The following ANKRD44 variants were observed in gnomAD, a reference collection of about 807,000 sequenced individuals.
ANKRD44 encodes the protein ankyrin repeat domain 44.
Under a neutral mutation model 116.0 loss-of-function variants are expected in ANKRD44, and 35 were observed. That is an observed-to-expected ratio of 0.30 (90% CI 0.23 to 0.40). ANKRD44 has a LOEUF of 0.40. Among genes scored for constraint, ANKRD44 ranks in the 10% least tolerant of loss-of-function variants. The probability of loss-of-function intolerance (pLI) is 1.00; values close to 1 mark genes in which losing one functional copy is unlikely to be tolerated. For missense variants in ANKRD44, 1,014 were observed against 1,242.6 expected (o/e 0.82, Z 2.77); for synonymous variants, 435 against 461.8 (o/e 0.94, Z 0.74).
intron 1 of ANKRD44, among the ~76,000 whole-genome samples, chr2:197,217,145 TC>T (rs1446615030): frequency 2.0e-5 from 3 of 152,206 alleles, no homozygotes; most frequent in Admixed American, 6.5e-5. Context: ...CACTTTTTTT[TC>T]ATGGTCCAAT....
At chr2:197,100,185 C>T (rs1473196827) in intron 9 of ANKRD44, among the ~76,000 whole-genome samples, 1 of 152,140 alleles carries the variant, frequency 6.6e-6, no homozygotes. Flanking sequence ...GCCTGTAATC[C>T]CAGCACTTTG....
chr2:196,972,007 T>G (rs2075719394), intron 21 of ANKRD44, among the ~76,000 whole-genome samples: 1 of 152,118 alleles, frequency 6.6e-6, no homozygotes, highest in South Asian at 2.1e-4. Flanking sequence ...AGGCCTCAAG[T>G]GTAGCCAAGG....
At chr2:197,154,182 T>C (rs934910966) in intron 2 of ANKRD44, among the ~76,000 whole-genome samples, 3 of 143,724 alleles carry the variant, frequency 2.1e-5, no homozygotes, top group Non-Finnish European at 4.6e-5. Context: ...TTCTTTTTTT[T>C]TTTTTTTTTT....
chr2:197,111,498 G>A (rs2125278455), intron 8 of ANKRD44, among the ~76,000 whole-genome samples: 1 of 152,178 alleles, frequency 6.6e-6, no homozygotes, highest in South Asian at 2.1e-4. Flanking sequence ...AATTAGCCAG[G>A]CATGGTGGCG....
chr2:197,197,791 C>T lies in ANKRD44; in HGVS notation c.28-10685G>A, dbSNP rs187108625. On this transcript the variant is annotated intron_variant, in intron 1 of 27. Coordinates refer to ENST00000282272, the MANE Select transcript of ANKRD44 (RefSeq NM_001195144.2). ...CACCATTGCACTCCAGCCTGGGTGA[C>T]AGAGTGAAATCCTGTCTCAAAAAAA... 6.3e-3 allele frequency among the ~76,000 whole-genome samples: 731 copies of T among 115,876 alleles called. 8 individuals carry two copies. The highest frequency in any genetic ancestry group is 0.024 in the African/African-American group (686 of 28,664). 76.0% of individuals were successfully genotyped at this position (115,876 alleles called of 152,430 possible).
At chr2:197,097,830 A>C (rs553009768) in intron 10 of ANKRD44, among the ~76,000 whole-genome samples, 80 of 152,294 alleles carry the variant, frequency 5.3e-4, no homozygotes, top group Admixed American at 5.2e-3. Context: ...ACAGCTTCCG[A>C]ATGACTCAGA....
chr2:196,982,106 A>ATTTT (rs1164848837), downstream of ANKRD44, among the ~76,000 whole-genome samples: 2 of 104,864 alleles, frequency 1.9e-5, no homozygotes, highest in Non-Finnish European at 3.7e-5. Context: ...TACTAAAAAA[A>ATTTT]ATTATATATA....
chr2:196,980,448 G>A lies in ANKRD44; in HGVS notation c.2369-13002C>T, dbSNP rs73066825. Among the ~76,000 whole-genome samples the A allele has an allele frequency of 9.0e-3, 1,372 of 152,318 alleles. 21 individuals are homozygous for A. Among genetic ancestry groups the A allele is most frequent in the African/African-American group, 0.031 (1,290 of 41,554 alleles). On this transcript the variant is annotated intron_variant, in intron 21 of 21. Coordinates refer to the ANKRD44 transcript ENST00000424317. ...AAATTCAAAAGGGAATTAGAAACCCGTTAGCTTTCTATTTATTTAGTTTAA... is the reference window on the plus strand; with the variant it reads ...AAATTCAAAAGGGAATTAGAAACCCATTAGCTTTCTATTTATTTAGTTTAA...
intron 8 of ANKRD44, among the ~76,000 whole-genome samples, chr2:197,112,297 AT>A (rs1193657386): frequency 6.6e-6 from 1 of 152,234 alleles, no homozygotes; most frequent in Non-Finnish European, 1.5e-5. Flanking sequence ...AAATGCCTGT[AT>A]TTTAAAATGA....
At chr2:197,134,221 G>A (rs2079166017) in intron 4 of ANKRD44, 1 of 151,716 alleles carries the variant, frequency 6.6e-6, no homozygotes, top group Admixed American at 6.6e-5. Flanking sequence ...AAAGTGCTGG[G>A]ATTACAGGCA....
At chr2:197,062,975 T>G (rs1429508606) in intron 16 of ANKRD44, among the ~76,000 whole-genome samples, 4 of 152,132 alleles carry the variant, frequency 2.6e-5, no homozygotes, top group African/African-American at 9.7e-5. Flanking sequence ...GAGTAGTGGT[T>G]CTCCCAGCAC....
intron 1 of ANKRD44, among the ~76,000 whole-genome samples, chr2:197,265,239 T>C (rs530262592): frequency 8.6e-5 from 13 of 151,714 alleles, no homozygotes; most frequent in South Asian, 8.3e-4. Flanking sequence ...TTTCTTTTTT[T>C]TTTTTTTTGG....
intron 17 of ANKRD44, chr2:197,015,926 G>T (rs1051107930): frequency 5.7e-6 from 3 of 530,586 alleles, no homozygotes; most frequent in Admixed American, 2.1e-5. Flanking sequence ...ATGAAAGGGG[G>T]TAGTTTTGGT....
At chr2:197,057,399 T>C (rs1431478320) in intron 16 of ANKRD44, among the ~76,000 whole-genome samples, 2 of 152,214 alleles carry the variant, frequency 1.3e-5, no homozygotes, top group Admixed American at 6.5e-5. Context: ...GAATTGTCAG[T>C]ACTTTTTCAT....
intron 16 of ANKRD44, among the ~76,000 whole-genome samples, chr2:197,031,530 A>G (rs2076707668): frequency 6.6e-6 from 1 of 152,234 alleles, no homozygotes; most frequent in Non-Finnish European, 1.5e-5. Context: ...GTAATCAGAA[A>G]AACACTAAAG....
At chr2:197,116,428 G>C (rs1412062519) in intron 8 of ANKRD44, among the ~76,000 whole-genome samples, 6 of 152,164 alleles carry the variant, frequency 3.9e-5, no homozygotes, top group Non-Finnish European at 8.8e-5. Flanking sequence ...CTGGCAGTTT[G>C]ACCACCCACG....
intron 1 of ANKRD44, among the ~76,000 whole-genome samples, chr2:197,257,560 T>G (rs1027937582): frequency 3.3e-5 from 5 of 152,160 alleles, no homozygotes; most frequent in African/African-American, 1.2e-4. Context: ...TACATAAAAT[T>G]TACCATTTTA....
At chr2:197,026,437 A>T (rs1356099683) in intron 16 of ANKRD44, among the ~76,000 whole-genome samples, 6 of 152,182 alleles carry the variant, frequency 3.9e-5, no homozygotes, top group Middle Eastern at 3.2e-3. Context: ...GTCTCCAGGG[A>T]GATGAGGGAG....
chr2:197,080,831 G>A (rs994601826), intron 15 of ANKRD44, among the ~76,000 whole-genome samples: 1 of 152,178 alleles, frequency 6.6e-6, no homozygotes, highest in Admixed American at 6.5e-5. Context: ...GAATAAATAA[G>A]TTAACAACGA....
Sources: allele counts gnomAD v4.1 joint callset (sites outside exome capture counted in the v4.1 genomes callset), GRCh38; gene constraint gnomAD v4.1.1; transcripts MANE v1.5; gene names NCBI Gene and HGNC (gene_info 2026-07-23, HGNC 2026-07-21).